FSHR: variants seen among roughly 807,000 people sequenced by gnomAD.
FSHR encodes the protein follicle-stimulating hormone receptor.
In FSHR, 46 loss-of-function variants were observed where a neutral mutation model predicts 52.1. The observed-to-expected ratio is 0.88, with a 90% confidence interval of 0.70 to 1.13. The LOEUF is 1.13. FSHR is among the 50% of genes most tolerant of loss of function. The probability of loss-of-function intolerance (pLI) is 0.00; values close to 1 mark genes in which losing one functional copy is unlikely to be tolerated. For synonymous variants in FSHR, 399 were observed against 309.6 expected (o/e 1.29, Z -3.03); for missense variants, 964 against 834.6 (o/e 1.16, Z -1.91).
At chr2:49,120,024 C>T (rs1218560151) in intron 1 of FSHR, among the ~76,000 whole-genome samples, 1 of 152,190 alleles carries the variant, frequency 6.6e-6, no homozygotes, top group Non-Finnish European at 1.5e-5. Context: ...AATCCCAGCA[C>T]TTTGGGAGGC....
intron 1 of FSHR, among the ~76,000 whole-genome samples, chr2:49,147,020 T>TA (rs1007566677): frequency 2.0e-5 from 3 of 152,070 alleles, no homozygotes; most frequent in African/African-American, 7.2e-5. Context: ...AGACTAAAAG[T>TA]ATAATTGAAT....
chr2:49,074,117 T>C (rs930136304), intron 1 of FSHR, among the ~76,000 whole-genome samples: 3 of 151,992 alleles, frequency 2.0e-5, no homozygotes, highest in Non-Finnish European at 4.4e-5. Flanking sequence ...CTTCAGAGCA[T>C]TGGTCTGGGA....
chr2:49,106,713 C>T (rs1020779693), intron 1 of FSHR, among the ~76,000 whole-genome samples: 1 of 152,158 alleles, frequency 6.6e-6, no homozygotes, highest in Admixed American at 6.5e-5. Context: ...CTCATCCAGA[C>T]AAATAAATTC....
At chr2:49,055,767 A>G (rs1300754688) in intron 2 of FSHR, among the ~76,000 whole-genome samples, 1 of 151,992 alleles carries the variant, frequency 6.6e-6, no homozygotes, top group African/African-American at 2.4e-5. Flanking sequence ...TCAAAGTACT[A>G]AAAGAAAAAG....
intron 4 of FSHR, among the ~76,000 whole-genome samples, chr2:49,011,746 C>A (rs1305556288): frequency 2.6e-5 from 4 of 152,076 alleles, no homozygotes; most frequent in Non-Finnish European, 4.4e-5. Context: ...AGACCTGTGC[C>A]CAGACAGGTG....
At chr2:48,999,524 A>C (rs1287006075) in intron 4 of FSHR, among the ~76,000 whole-genome samples, 1 of 152,070 alleles carries the variant, frequency 6.6e-6, no homozygotes, top group African/African-American at 2.4e-5. Flanking sequence ...TATCTCTGCA[A>C]CCATAGAATT....
At chr2:49,120,916 A>C (rs1479869000) in intron 1 of FSHR, among the ~76,000 whole-genome samples, 1 of 152,234 alleles carries the variant, frequency 6.6e-6, no homozygotes, top group Non-Finnish European at 1.5e-5. Context: ...TATGAGAGTA[A>C]GATGCATTGT....
At chr2:49,014,529 C>T (rs116707541) in intron 4 of FSHR, among the ~76,000 whole-genome samples, 1,582 of 152,182 alleles carry the variant, frequency 0.01, 23 homozygotes, top group African/African-American at 0.036. Context: ...TGCCCACATC[C>T]TTACAAGTTC....
At chr2:49,093,039 T>A (rs1156876179) in intron 1 of FSHR, among the ~76,000 whole-genome samples, 2 of 152,230 alleles carry the variant, frequency 1.3e-5, no homozygotes, top group African/African-American at 2.4e-5. Flanking sequence ...AATTCTTAGT[T>A]TATGTTGCTG....
chr2:49,119,571 CT>C (rs1671730039), intron 1 of FSHR, among the ~76,000 whole-genome samples: 1 of 152,002 alleles, frequency 6.6e-6, no homozygotes, highest in Admixed American at 6.6e-5. Flanking sequence ...GTTTGTTTCG[CT>C]TTCTTTGACA....
intron 1 of FSHR, among the ~76,000 whole-genome samples, chr2:49,087,098 T>TTTTTTTTA (rs1553342899): frequency 1.4e-5 from 2 of 147,028 alleles, no homozygotes; most frequent in Non-Finnish European, 3.0e-5. Flanking sequence ...TTTTTTTTTT[T>TTTTTTTTA]ACAAAGCTAC....
intron 4 of FSHR, among the ~76,000 whole-genome samples, chr2:49,003,991 A>G (rs1171690309): frequency 6.6e-6 from 1 of 152,162 alleles, no homozygotes; most frequent in Non-Finnish European, 1.5e-5. Context: ...AAACCTCCCA[A>G]TATGAGGCTT....
At chr2:48,992,755 A>T (rs1169194849) in intron 4 of FSHR, among the ~76,000 whole-genome samples, 1 of 151,362 alleles carries the variant, frequency 6.6e-6, no homozygotes, top group African/African-American at 2.4e-5. Flanking sequence ...ACTTAGCCTA[A>T]CTCCCTATTT....
At chr2:49,119,620 T>C (rs528623448) in intron 1 of FSHR, among the ~76,000 whole-genome samples, 1 of 152,322 alleles carries the variant, frequency 6.6e-6, no homozygotes, top group African/African-American at 2.4e-5. Context: ...AGGATTTTTG[T>C]ACCAATATTA....
At chr2:49,060,235 C>T (rs1035601469) in intron 2 of FSHR, among the ~76,000 whole-genome samples, 11 of 151,984 alleles carry the variant, frequency 7.2e-5, no homozygotes, top group African/African-American at 2.4e-4. Flanking sequence ...ACATATTGTT[C>T]GTGGGACTAT....
At chr2:48,990,209 T>C (rs779711116) in intron 5 of FSHR, among the ~76,000 whole-genome samples, 43 of 152,040 alleles carry the variant, frequency 2.8e-4, no homozygotes, top group Non-Finnish European at 4.6e-4. Context: ...CAGGGCAGCA[T>C]AGCAATTCTA....
chr2:49,142,777 G>C (rs189631375), intron 1 of FSHR, among the ~76,000 whole-genome samples: 1 of 152,146 alleles, frequency 6.6e-6, no homozygotes. Context: ...GGTGGTAGGG[G>C]AGATACGGAT....
chr2:49,082,790 A>G (rs1349093942), intron 1 of FSHR, among the ~76,000 whole-genome samples: 2 of 152,184 alleles, frequency 1.3e-5, no homozygotes, highest in Non-Finnish European at 2.9e-5. Context: ...AGGGAAGTTT[A>G]GAGAAAAAAG....
At chr2:49,152,269 T>C (rs1673089435) in intron 1 of FSHR, among the ~76,000 whole-genome samples, 1 of 152,166 alleles carries the variant, frequency 6.6e-6, no homozygotes, top group Non-Finnish European at 1.5e-5. Flanking sequence ...AATTTGTTTC[T>C]GGTGCTCTGT....
Sources: allele counts gnomAD v4.1 joint callset (sites outside exome capture counted in the v4.1 genomes callset), GRCh38; gene constraint gnomAD v4.1.1; transcripts MANE v1.5; gene names NCBI Gene and HGNC (gene_info 2026-07-23, HGNC 2026-07-21).